Variants in IFT81 observed in about 807,000 individuals in gnomAD.
IFT81 encodes intraflagellar transport protein 81 homolog.
Under a neutral mutation model 102.6 loss-of-function variants are expected in IFT81, and 72 were observed. That is an observed-to-expected ratio of 0.70 (90% CI 0.58 to 0.85). The LOEUF is 0.85. IFT81 is among the 40% of genes least tolerant of loss of function. The pLI, the probability that IFT81 is intolerant of heterozygous loss-of-function variation, is 0.00. For missense variants in IFT81, 723 were observed against 787.3 expected, an observed-to-expected ratio of 0.92 and a Z score of 0.98; for synonymous variants, 237 against 242.7, an observed-to-expected ratio of 0.98 and a Z score of 0.22.
chr12:110,196,900 C>G (rs1898024190), intron 14 of IFT81, among the ~76,000 whole-genome samples: 1 of 151,854 alleles, frequency 6.6e-6, no homozygotes, highest in Admixed American at 6.6e-5. Flanking sequence ...TTATGTATGT[C>G]TCATAAATAG....
chr12:110,177,690 G>A (rs77398033), intron 11 of IFT81, among the ~76,000 whole-genome samples: 2,564 of 152,274 alleles, frequency 0.017, 33 homozygotes, highest in South Asian at 0.054. Flanking sequence ...AGGAATTTTT[G>A]TATACTCAGG....
chr12:110,174,689 T>C (rs1255765164), intron 11 of IFT81, among the ~76,000 whole-genome samples: 1 of 152,202 alleles, frequency 6.6e-6, no homozygotes, highest in Non-Finnish European at 1.5e-5. Context: ...AAAGCATTTA[T>C]AAATGGTTAC....
chr12:110,147,297 T>G (rs1434838988), intron 10 of IFT81, among the ~76,000 whole-genome samples: 1 of 152,224 alleles, frequency 6.6e-6, no homozygotes, highest in East Asian at 1.9e-4. Flanking sequence ...ATAGAGCTAT[T>G]TGTGTTTGTA....
At position 110,127,506 on chromosome 12, in the gene IFT81, G is replaced by T. The variant is rs1317678618; in HGVS notation, c.126G>T (p.Leu42=). ...MQLLQVLSDV[L]AEIDPKQLVD... Reference sequence around the variant, plus strand: ...TATTACAAGTTCTCAGTGATGTTCTGGCTGAGATTGACCCAAAGGTAAGAG... The same window carrying T: ...TATTACAAGTTCTCAGTGATGTTCTTGCTGAGATTGACCCAAAGGTAAGAG... The change falls in exon 2 of 19, where the codon CTG becomes CTT. Residue 42 remains leucine, a synonymous_variant. Transcript: ENST00000242591. 1 of 1,597,230 alleles carries T rather than the reference G, an allele frequency of 6.3e-7. No individual in the cohort carries two copies. The highest frequency in any genetic ancestry group is 1.8e-5 in the Admixed American group (1 of 55,040).
Position 110,127,421 on chromosome 12 carries a change from A to G in IFT81, c.41A>G (p.Lys14Arg). Reference sequence around the variant, plus strand: ...AAATTCATTATGGACAGTCTCAATAAGGAGCCCTTTAGGAAGAACTATAAT... The same window carrying G: ...AAATTCATTATGGACAGTCTCAATAGGGAGCCCTTTAGGAAGAACTATAAT... ...QIKFIMDSLN[K>R]EPFRKNYNLI... is the part of the protein sequence containing the mutation. The change falls in exon 2 of 19, where the codon AAG (lysine) becomes AGG (arginine). Residue 14 changes from lysine (K) to arginine (R), a missense_variant. Physicochemically the swap from Lys to Arg is conservative, Grantham distance 26. Transcript: ENST00000242591. 1 of 1,605,638 alleles carries G rather than the reference A, an allele frequency of 6.2e-7. No homozygotes were observed. The highest frequency in any genetic ancestry group is 8.5e-7 in the Non-Finnish European group (1 of 1,176,348).
chr12:110,216,801 C>T (rs1870196442), intron 18 of IFT81: 2 of 331,576 alleles, frequency 6.0e-6, no homozygotes, highest in African/African-American at 2.2e-5. Context: ...CTGTTTTCCA[C>T]TTGAAACTCC....
intron 4 of IFT81, among the ~76,000 whole-genome samples, chr12:110,131,513 A>G (rs1894161692): frequency 6.6e-6 from 1 of 151,542 alleles, no homozygotes; most frequent in African/African-American, 2.4e-5. Context: ...TGCCCAGCTA[A>G]TTTTTTGTAT....
chr12:110,146,353 A>G (rs1384870589), intron 9 of IFT81, among the ~76,000 whole-genome samples: 2 of 152,218 alleles, frequency 1.3e-5, no homozygotes, highest in East Asian at 1.9e-4. Context: ...ATCCCTGTCA[A>G]CTGTCAGCTG....
chr12:110,198,306 A>G (rs1220115299), intron 14 of IFT81, among the ~76,000 whole-genome samples: 1 of 150,276 alleles, frequency 6.7e-6, no homozygotes, highest in Non-Finnish European at 1.5e-5. Flanking sequence ...GCTTGGTCAG[A>G]AAAAAAAAAT....
chr12:110,167,847 C>CTTTTTT, intron 11 of IFT81: 2 of 228,232 alleles, frequency 8.8e-6, no homozygotes, highest in Non-Finnish European at 1.7e-5. Flanking sequence ...ATTTAGGTTT[C>CTTTTTT]TTTTTTTTTT....
At chr12:110,173,701 C>T (rs1218744946) in intron 11 of IFT81, among the ~76,000 whole-genome samples, 3 of 152,158 alleles carry the variant, frequency 2.0e-5, no homozygotes, top group Non-Finnish European at 1.5e-5. Context: ...GTGCTGTGTC[C>T]ACTCAGGGTT....
intron 10 of IFT81, among the ~76,000 whole-genome samples, chr12:110,149,557 T>C (rs1339358054): frequency 6.6e-6 from 1 of 152,130 alleles, no homozygotes; most frequent in Non-Finnish European, 1.5e-5. Context: ...GAAGAACGGA[T>C]CACATGTGCT....
intron 11 of IFT81, among the ~76,000 whole-genome samples, chr12:110,170,451 G>A (rs1049858710): frequency 2.0e-5 from 3 of 152,214 alleles, no homozygotes; most frequent in Non-Finnish European, 4.4e-5. Context: ...GAAGGACGAA[G>A]AATAGAACAT....
At chr12:110,161,635 G>C (rs527388439) in intron 10 of IFT81, among the ~76,000 whole-genome samples, 64 of 150,568 alleles carry the variant, frequency 4.3e-4, no homozygotes, top group Non-Finnish European at 4.3e-4. Flanking sequence ...TTATTTTTTT[G>C]TAGAGTCAGG....
At chr12:110,131,324 A>G (rs1334751626) in intron 4 of IFT81, among the ~76,000 whole-genome samples, 2 of 151,952 alleles carry the variant, frequency 1.3e-5, no homozygotes, top group Non-Finnish European at 2.9e-5. Context: ...TTTTTAGGTA[A>G]CAGGATTTTT....
rs751856798 is a variant in IFT81 at position 110,205,507 on chromosome 12, T to A, written c.1709T>A (p.Met570Lys). The A allele has an allele frequency of 6.2e-7, 1 of 1,603,708 alleles. No homozygotes were observed. Among genetic ancestry groups the A allele is most frequent in the Non-Finnish European group, 8.5e-7 (1 of 1,176,416 alleles). ...EESRYHYTNC[M>K]IKNLEVQLRR... The stretch of plus-strand genomic sequence containing the variant: ...AGTAGATACCATTATACAAATTGTA[T>A]GATTAAGGTAAGACAAAGTAGATCA... The change falls in exon 16 of 19, where the codon ATG (methionine) becomes AAG (lysine). Residue 570 changes from methionine to lysine, a missense_variant. Physicochemically the swap from Met to Lys is moderately conservative, Grantham distance 95. Coordinates refer to ENST00000242591, the MANE Select transcript of IFT81 (RefSeq NM_014055.4).
chr12:110,138,970 G>A (rs187275845), intron 8 of IFT81, among the ~76,000 whole-genome samples: 2 of 152,044 alleles, frequency 1.3e-5, no homozygotes, highest in Admixed American at 1.3e-4. Context: ...TTTTAAGAGA[G>A]TAATTTAAAA....
intron 18 of IFT81, among the ~76,000 whole-genome samples, chr12:110,217,216 T>C (rs938213495): frequency 6.6e-6 from 1 of 152,026 alleles, no homozygotes; most frequent in Non-Finnish European, 1.5e-5. Context: ...TGCTAATTTT[T>C]GTATTTTTAG....
At position 110,134,952 on chromosome 12, in the gene IFT81, T is replaced by C. The variant is rs1042883161; in HGVS notation, c.524T>C (p.Ile175Thr). 7 of 1,608,890 alleles carry C rather than the reference T, an allele frequency of 4.4e-6. No individual in the cohort carries two copies. Among genetic ancestry groups the C allele is most frequent in the Non-Finnish European group, 5.9e-6 (7 of 1,178,158 alleles). The change falls in exon 6 of 19, where the codon ATC becomes ACC. Residue 175 changes from isoleucine to threonine, a missense_variant. Ile to Thr is a moderately conservative substitution (Grantham distance 89). Coordinates refer to ENST00000242591, the MANE Select transcript of IFT81 (RefSeq NM_014055.4). ...GFSTAEIRKD[I>T]SAMEEEKDQL... ...GTCTTCTTTGCCACTTTTTAGGATA[T>C]CAGTGCAATGGAAGAAGAAAAGGAT...
Sources: gnomAD v4.1 joint callset for allele counts (sites outside exome capture counted in the v4.1 genomes callset) on GRCh38, gnomAD v4.1.1 for gene constraint, MANE v1.5 for transcripts, NCBI Gene and HGNC (gene_info 2026-07-23, HGNC 2026-07-21) for gene names.